PTPRK: variants seen among roughly 807,000 people sequenced by gnomAD.
PTPRK encodes the protein receptor-type tyrosine-protein phosphatase kappa.
In PTPRK, 75 loss-of-function variants were observed where a neutral mutation model predicts 178.0. The observed-to-expected ratio is 0.42, with a 90% CI of 0.35 to 0.51. The LOEUF (loss-of-function observed/expected upper bound fraction) is 0.51. Ranked by LOEUF, PTPRK falls within the 20% of genes least tolerant of loss-of-function variation. PTPRK has a pLI of 0.02. For missense variants in PTPRK, 1,441 were observed against 1,797.8 expected, an observed-to-expected ratio of 0.80 and a Z score of 3.59; for synonymous variants, 637 against 620.6, an observed-to-expected ratio of 1.03 and a Z score of -0.39.
Position 128,000,036 on chromosome 6 carries a change from A to G in PTPRK, c.2495-1132T>C, listed in dbSNP as rs2114688129. 1.6e-5 allele frequency: 15 copies of G among 958,676 alleles called. No individual in the cohort carries two copies. In the South Asian group the frequency reaches 7.2e-4, roughly 46 times the overall value. 59.4% of individuals were successfully genotyped at this position (958,676 alleles called of 1,614,324 possible). On this transcript the variant is annotated intron_variant, in intron 15 of 29. Coordinates refer to ENST00000368226, the MANE Select transcript of PTPRK (RefSeq NM_002844.4). ...TAATGACCGAAGTACTAAACATTAC[A>G]ACGAGAAGCATGCTCATATTTATCA...
chr6:128,476,043 T>C (rs748302303), intron 1 of PTPRK, among the ~76,000 whole-genome samples: 4 of 152,008 alleles, frequency 2.6e-5, no homozygotes, highest in Non-Finnish European at 5.9e-5. Context: ...CCAAAACAAG[T>C]TTTCCATTAC....
At chr6:128,219,387 T>A (rs780894388) in intron 5 of PTPRK, among the ~76,000 whole-genome samples, 1 of 152,212 alleles carries the variant, frequency 6.6e-6, no homozygotes, top group Non-Finnish European at 1.5e-5. Flanking sequence ...AGGCATTAGA[T>A]TCTCACAGGC....
intron 3 of PTPRK, among the ~76,000 whole-genome samples, chr6:128,286,685 C>T (rs1235028346): frequency 6.6e-6 from 1 of 152,168 alleles, no homozygotes; most frequent in Non-Finnish European, 1.5e-5. Context: ...TCTTTGCACG[C>T]AGATTTTATA....
chr6:128,483,354 C>T (rs887293849), intron 1 of PTPRK, among the ~76,000 whole-genome samples: 4 of 151,950 alleles, frequency 2.6e-5, no homozygotes, highest in African/African-American at 9.7e-5. Context: ...TTGCTTTATC[C>T]TATTAATTCA....
chr6:128,118,626 A>C (rs144747252), intron 7 of PTPRK, among the ~76,000 whole-genome samples: 1 of 152,250 alleles, frequency 6.6e-6, no homozygotes, highest in East Asian at 1.9e-4. Context: ...TGTTACTGGT[A>C]TGAGACAAAA....
chr6:128,268,081 G>T (rs1819232605), intron 3 of PTPRK, among the ~76,000 whole-genome samples: 1 of 151,956 alleles, frequency 6.6e-6, no homozygotes. Flanking sequence ...AACAGAATAG[G>T]GAGGAATGGG....
intron 2 of PTPRK, among the ~76,000 whole-genome samples, chr6:128,333,880 T>G (rs74342200): frequency 2.0e-4 from 30 of 152,178 alleles, no homozygotes; most frequent in Admixed American, 1.0e-3. Context: ...AGCTTAATCA[T>G]TTTTAGCTTT....
chr6:128,134,522 G>A (rs1485356487), intron 7 of PTPRK, among the ~76,000 whole-genome samples: 1 of 152,106 alleles, frequency 6.6e-6, no homozygotes, highest in Non-Finnish European at 1.5e-5. Context: ...TAACACTTAA[G>A]CAGAGCCAGG....
chr6:128,190,820 A>G (rs1269749699), intron 6 of PTPRK, among the ~76,000 whole-genome samples: 2 of 152,054 alleles, frequency 1.3e-5, no homozygotes, highest in Admixed American at 1.3e-4. Context: ...TTCAAATCAT[A>G]TTACTCAGGT....
intron 7 of PTPRK, among the ~76,000 whole-genome samples, chr6:128,101,836 A>T (rs923110275): frequency 2.6e-5 from 4 of 152,162 alleles, no homozygotes. Context: ...ATTTCATTCC[A>T]TCTAATCAGA....
At chr6:128,490,146 A>C (rs1001395069) in intron 1 of PTPRK, among the ~76,000 whole-genome samples, 3 of 152,122 alleles carry the variant, frequency 2.0e-5, no homozygotes, top group East Asian at 1.9e-4. Flanking sequence ...TCCTTTCACA[A>C]AAAAAAATCT....
At position 128,163,344 on chromosome 6, in the gene PTPRK, T is replaced by C. The variant is rs904245102; in HGVS notation, c.1162+21088A>G. ...TTAATAATATGTATTTTAATATAAA[T>C]TTATATTGACAAATAAAAACATTAA... On this transcript the variant is annotated intron_variant, in intron 7 of 29. Coordinates refer to ENST00000368226, the MANE Select transcript of PTPRK (RefSeq NM_002844.4). Among the ~76,000 whole-genome samples the C allele has an allele frequency of 2.0e-5, 3 of 151,154 alleles. No homozygotes were observed. In the Admixed American group the frequency reaches 2.0e-4, roughly 10 times the overall value.
At chr6:128,050,713 T>C (rs1022621968) in intron 13 of PTPRK, among the ~76,000 whole-genome samples, 2 of 152,198 alleles carry the variant, frequency 1.3e-5, no homozygotes, top group Non-Finnish European at 2.9e-5. Flanking sequence ...AATTTTTAGT[T>C]TAAGTTTTTA....
At chr6:128,411,766 T>C (rs1377055836) in intron 1 of PTPRK, among the ~76,000 whole-genome samples, 1 of 152,174 alleles carries the variant, frequency 6.6e-6, no homozygotes, top group African/African-American at 2.4e-5. Context: ...ACGTAAACAA[T>C]AGGGCTTTTT....
rs556919038 is a variant in PTPRK at position 128,186,845 on chromosome 6, T to C, written c.869-2120A>G. 3.9e-5 allele frequency among the ~76,000 whole-genome samples: 6 copies of C among 152,092 alleles called. No individual in the cohort carries two copies. The East Asian group carries it at 9.7e-4, about 24-fold the overall frequency. ...CGAGAAGTGAACATAATAGAAAAAA[T>C]GTAAATGTCTTCCGAGATTACCTAA... On this transcript the variant is annotated intron_variant, in intron 6 of 29. Coordinates refer to ENST00000368226, the MANE Select transcript of PTPRK (RefSeq NM_002844.4).
At position 128,372,633 on chromosome 6, in the gene PTPRK, T is replaced by C. The variant is rs566363220; in HGVS notation, c.223+24933A>G. ...GGTCTTTCCTATTAATACTTGATTT[T>C]AGGTTACTGAGGACAGATAATGATA... is the stretch of plus-strand genomic sequence containing the variant. On this transcript the variant is annotated intron_variant, in intron 2 of 29. Coordinates refer to ENST00000368226, the MANE Select transcript of PTPRK (RefSeq NM_002844.4). 4.6e-5 allele frequency among the ~76,000 whole-genome samples: 7 copies of C among 152,310 alleles called. 1 individual carries two copies. The highest frequency in any genetic ancestry group is 1.4e-4 in the African/African-American group (6 of 41,576).
chr6:128,409,463 T>C, intron 1 of PTPRK: 1 of 283,704 alleles, frequency 3.5e-6, no homozygotes, highest in Middle Eastern at 5.9e-4. Context: ...TATGTATATT[T>C]TCATTATGAA....
In PTPRK at chr6:128,089,800, T is replaced by A. The variant is rs745517107; in HGVS notation, c.1355A>T (p.His452Leu). Residue 452 changes from histidine to leucine, a missense_variant, in exon 8 of 30, where the codon CAT becomes CTT. Physicochemically the swap from His to Leu is moderately conservative, Grantham distance 99. This residue lies in a region of PTPRK where 945 missense variants were observed against 1,080.6 expected (regional missense o/e 0.87). Transcript: ENST00000368226. ...ATAAGGTGGCAGATGGTTCACAACA[T>A]GCTGAGGGGCTTTGGGGTCCATGTC... The part of the protein sequence containing the change: ...CLDMDPKAPQ[H>L]VVNHLPPYTN... The A allele has an allele frequency of 8.1e-6, 13 of 1,613,966 alleles. No homozygotes were observed. Among genetic ancestry groups the A allele is most frequent in the Non-Finnish European group, 1.1e-5 (13 of 1,179,832 alleles).
At chr6:128,217,287 G>A (rs754775127) in intron 6 of PTPRK, among the ~76,000 whole-genome samples, 3 of 152,202 alleles carry the variant, frequency 2.0e-5, no homozygotes, top group Admixed American at 6.6e-5. Context: ...CAGGTGATAT[G>A]AGCTGAATAC....
Sources: allele counts gnomAD v4.1 joint callset (sites outside exome capture counted in the v4.1 genomes callset), GRCh38; gene constraint gnomAD v4.1.1; regional missense constraint gnomAD v4.1.1; transcripts MANE v1.5; gene names NCBI Gene and HGNC (gene_info 2026-07-23, HGNC 2026-07-21).